Variants in CHRNA3 observed in about 807,000 individuals in gnomAD.
CHRNA3 encodes neuronal acetylcholine receptor subunit alpha-3.
Under a neutral mutation model 41.9 loss-of-function variants are expected in CHRNA3, and 34 were observed. That is an observed-to-expected ratio of 0.81 (90% CI 0.62 to 1.08). The LOEUF is 1.08. CHRNA3 is among the 50% of genes least tolerant of loss of function. The pLI, the probability that CHRNA3 is intolerant of heterozygous loss-of-function variation, is 0.00. For synonymous variants in CHRNA3, 281 were observed against 265.2 expected, an observed-to-expected ratio of 1.06 and a Z score of -0.58; for missense variants, 542 against 638.3, an observed-to-expected ratio of 0.85 and a Z score of 1.63.
At chr15:78,605,513 G>A (rs1041983975) in intron 4 of CHRNA3, among the ~76,000 whole-genome samples, 2 of 136,534 alleles carry the variant, frequency 1.5e-5, no homozygotes, top group Admixed American at 7.0e-5. Flanking sequence ...CTCAAAAGAC[G>A]AGGACCCCAC....
chr15:78,605,408 C>A (rs567700806), intron 4 of CHRNA3, among the ~76,000 whole-genome samples: 3 of 152,082 alleles, frequency 2.0e-5, no homozygotes, highest in Non-Finnish European at 4.4e-5. Flanking sequence ...CGATTAGCTG[C>A]GGGGTAGAGG....
At chr15:78,620,580 G>T (rs1245849493) in intron 1 of CHRNA3, 133 bp downstream of exon 1, 2 of 1,345,468 alleles carry the variant, frequency 1.5e-6, no homozygotes, top group South Asian at 1.7e-5. Flanking sequence ...CAGTCTGCGC[G>T]GGTTCCGAGT....
At chr15:78,598,894 T>C (rs1388537877) in intron 5 of CHRNA3, among the ~76,000 whole-genome samples, 2 of 145,022 alleles carry the variant, frequency 1.4e-5, no homozygotes, top group Non-Finnish European at 1.5e-5. Context: ...AGTCCAGTGG[T>C]GTGATCTTGG....
At chr15:78,617,492 C>T (rs1405723442) in intron 3 of CHRNA3, among the ~76,000 whole-genome samples, 1 of 152,008 alleles carries the variant, frequency 6.6e-6, no homozygotes, top group Admixed American at 6.6e-5. Flanking sequence ...TGTTTACAGC[C>T]CCTGAATGGC....
At chr15:78,601,196 C>A in intron 5 of CHRNA3, 57 bp downstream of exon 5, 1 of 1,552,274 alleles carries the variant, frequency 6.4e-7, no homozygotes. Flanking sequence ...CCACGAGGAA[C>A]CCATAAATAT....
At chr15:78,613,074 A>G (rs1180485538) in intron 4 of CHRNA3, among the ~76,000 whole-genome samples, 4 of 152,200 alleles carry the variant, frequency 2.6e-5, no homozygotes, top group African/African-American at 9.6e-5. Flanking sequence ...GAAACAACAG[A>G]TGCTGGCGAG....
In CHRNA3 at chr15:78,618,217, G is replaced by A. The variant is rs548805660; in HGVS notation, c.267+400C>T. Among the ~76,000 whole-genome samples, 8 of 151,892 alleles carry A rather than the reference G, an allele frequency of 5.3e-5. No individual in the cohort carries two copies. In the South Asian group the frequency reaches 1.5e-3, roughly 28 times the overall value. Reference sequence around the variant, plus strand: ...AGCCGAGATCACGCCACAGCACTCCGGCCTGGGTGACAGAGCGAGATCCCG... The same window carrying A: ...AGCCGAGATCACGCCACAGCACTCCAGCCTGGGTGACAGAGCGAGATCCCG... On this transcript the variant is annotated intron_variant, in intron 3 of 5. Coordinates refer to ENST00000326828, the MANE Select transcript of CHRNA3 (RefSeq NM_000743.5).
intron 1 of CHRNA3, chr15:78,619,952 G>C (rs2053523570): frequency 6.6e-6 from 1 of 152,444 alleles, no homozygotes; most frequent in East Asian, 1.9e-4. Context: ...TCGGCACCGA[G>C]GGCGGAAAGC....
intron 4 of CHRNA3, among the ~76,000 whole-genome samples, chr15:78,615,269 G>A (rs1297533771): frequency 2.6e-5 from 4 of 152,212 alleles, no homozygotes; most frequent in Admixed American, 6.5e-5. Context: ...GAGGCCTGCA[G>A]GGTACACCGT....
chr15:78,615,890 G>A (rs915077975), intron 4 of CHRNA3, among the ~76,000 whole-genome samples: 8 of 151,054 alleles, frequency 5.3e-5, no homozygotes, highest in Admixed American at 4.0e-4. Flanking sequence ...ACAGGCACAC[G>A]CCACCATGCC....
chr15:78,617,706 C>T (rs2053485357), intron 3 of CHRNA3, among the ~76,000 whole-genome samples: 1 of 152,146 alleles, frequency 6.6e-6, no homozygotes, highest in South Asian at 2.1e-4. Context: ...GCATCAAGTA[C>T]TGGGTGGGGC....
chr15:78,604,343 G>T (rs542786670), intron 4 of CHRNA3, among the ~76,000 whole-genome samples: 1 of 152,174 alleles, frequency 6.6e-6, no homozygotes, highest in Non-Finnish European at 1.5e-5. Context: ...GAAAACTGAC[G>T]GTCAAAGGAC....
rs370382237 is a variant in CHRNA3, at chr15:78,611,799, A to G, written c.377+5225T>C. 1.6e-3 allele frequency among the ~76,000 whole-genome samples: 242 copies of G among 152,112 alleles called. 5 individuals are homozygous for G. In the South Asian group the frequency reaches 0.027, roughly 17 times the overall value. On this transcript the variant is annotated intron_variant, in intron 4 of 5. Coordinates refer to ENST00000326828, the MANE Select transcript of CHRNA3 (RefSeq NM_000743.5). ...CAAATTGTCCCTGTTTGCAGATGAC[A>G]TGATTGTATATCTAGAAAACCCCAT...
downstream of CHRNA3, chr15:78,593,157 C>T (rs202136309): frequency 1.4e-5 from 22 of 1,613,696 alleles, no homozygotes; most frequent in Admixed American, 1.5e-4. Flanking sequence ...CTTTTCTTTT[C>T]GTTTCAATTG....
chr15:78,611,842 T>C (rs1317062950), intron 4 of CHRNA3, among the ~76,000 whole-genome samples: 1 of 152,000 alleles, frequency 6.6e-6, no homozygotes, highest in Non-Finnish European at 1.5e-5. Flanking sequence ...GCCCAAAATC[T>C]CCTTAAGCTG....
intron 3 of CHRNA3, 59 bp downstream of exon 3, chr15:78,618,558 T>C (rs2053499934): frequency 3.7e-6 from 6 of 1,603,932 alleles, no homozygotes; most frequent in African/African-American, 1.3e-5. Context: ...TTGGTTCACC[T>C]AAAGCAAATA....
At chr15:78,605,094 C>T (rs1436627180) in intron 4 of CHRNA3, among the ~76,000 whole-genome samples, 1 of 151,922 alleles carries the variant, frequency 6.6e-6, no homozygotes, top group Non-Finnish European at 1.5e-5. Flanking sequence ...TACTGCCAAA[C>T]CATGTGAGGC....
Position 78,620,763 on chromosome 15 carries a change from G to A in CHRNA3, c.32C>T (p.Ala11Val), listed in dbSNP as rs1405969632. 1.0e-5 allele frequency: 15 copies of A among 1,497,564 alleles called. No homozygotes were observed. Among genetic ancestry groups the A allele is most frequent in the Admixed American group, 2.1e-5 (1 of 47,508 alleles). 92.8% of individuals were successfully genotyped at this position (1,497,564 alleles called of 1,614,324 possible). A position where few individuals can be genotyped will look rare whatever the true frequency, so the allele number is the denominator to read the frequency against. Residue 11 changes from alanine to valine, a missense_variant, in exon 1 of 6, where the codon GCG becomes GTG. Coordinates refer to ENST00000326828, the MANE Select transcript of CHRNA3 (RefSeq NM_000743.5). ...CAGCAGCAGCCGCGGCGGCGACAGC[G>A]CCAGGGGCAGCGAGAGCGGGCCAGA... MGSGPLSLPL[A>V]LSPPRLLLLL...
In CHRNA3 at chr15:78,596,345, A is replaced by T; in HGVS notation, c.*259T>A. On this transcript the variant is annotated 3_prime_UTR_variant, in exon 6 of 6. Coordinates refer to ENST00000326828, the MANE Select transcript of CHRNA3 (RefSeq NM_000743.5). Reference sequence around the variant, plus strand: ...TTTTTACATGTATATTCCATAGCATAGCATACTAATCACATAGAATCACAT... The same window carrying T: ...TTTTTACATGTATATTCCATAGCATTGCATACTAATCACATAGAATCACAT... 1 of 1,106,382 alleles carries T rather than the reference A, an allele frequency of 9.0e-7. No individual in the cohort carries two copies. Among genetic ancestry groups the T allele is most frequent in the South Asian group, 3.9e-5 (1 of 25,708 alleles). The allele number at this position is 1,106,382 out of a possible 1,614,324, so 68.5% of individuals were successfully genotyped here.
Sources: gnomAD v4.1 joint callset for allele counts (sites outside exome capture counted in the v4.1 genomes callset) on GRCh38, gnomAD v4.1.1 for gene constraint, MANE v1.5 for transcripts, NCBI Gene and HGNC (gene_info 2026-07-23, HGNC 2026-07-21) for gene names.